The following WFDC9 variants were observed in gnomAD, a reference collection of about 807,000 sequenced individuals.
The protein encoded by WFDC9 is protein WFDC9.
WFDC9 carries 9 observed loss-of-function variants against 9.5 expected under a neutral mutation model. The ratio of observed to expected loss-of-function variants is 0.95; its 90% confidence interval spans 0.57 to 1.65. WFDC9 has a LOEUF of 1.65. WFDC9 is among the 40% of genes most tolerant of loss of function. WFDC9 has a pLI of 0.00. For missense variants in WFDC9, 87 were observed against 106.7 expected (o/e 0.82, Z 0.81); for synonymous variants, 33 against 32.3 (o/e 1.02, Z -0.07).
intron 1 of WFDC9, chr20:45,630,023 A>G: frequency 1.4e-6 from 2 of 1,392,388 alleles, no homozygotes; most frequent in South Asian, 1.4e-5. Context: ...CTCTGACCAC[A>G]ATGTTGTGTA....
At chr20:45,621,637 G>T in intron 1 of WFDC9, among the ~76,000 whole-genome samples, 1 of 152,212 alleles carries the variant, frequency 6.6e-6, no homozygotes, top group Non-Finnish European at 1.5e-5. Flanking sequence ...ATGCTAGGCA[G>T]AAGCTGCTAT....
intron 1 of WFDC9, among the ~76,000 whole-genome samples, chr20:45,616,574 T>A (rs1406080193): frequency 1.3e-5 from 2 of 152,230 alleles, no homozygotes; most frequent in Non-Finnish European, 2.9e-5. Flanking sequence ...TAATTTACTT[T>A]GCCCAGATCC....
intron 4 of WFDC9, 104 bp downstream of exon 4, chr20:45,608,559 A>C (rs1789415934): frequency 7.1e-7 from 1 of 1,413,736 alleles, no homozygotes. Context: ...TTTGCTGCCT[A>C]TTTCTTTAAC....
At chr20:45,613,005 G>T (rs1471348385) in intron 2 of WFDC9, among the ~76,000 whole-genome samples, 2 of 152,198 alleles carry the variant, frequency 1.3e-5, no homozygotes, top group Non-Finnish European at 2.9e-5. Context: ...CTTTATATTT[G>T]TTCAGAAATT....
chr20:45,608,868 T>C (rs966833592), intron 3 of WFDC9, 58 bp from the exon 4 acceptor site: 1 of 1,526,088 alleles, frequency 6.6e-7, no homozygotes, highest in Non-Finnish European at 8.8e-7. Context: ...AGAAACCTTT[T>C]CTAAGCTTAA....
In WFDC9 at chr20:45,629,886, G is replaced by A. The variant is rs373470912; in HGVS notation, c.-153+1317C>T. 3.3e-5 allele frequency: 54 copies of A among 1,613,894 alleles called. No homozygotes were observed. The African/African-American group carries it at 6.7e-4, about 20-fold the overall frequency. On this transcript the variant is annotated intron_variant, in intron 1 of 4. Coordinates refer to ENST00000326000, the MANE Select transcript of WFDC9 (RefSeq NM_147198.4). ...GCTGCAGGCCCAGGGAGGATACCGTGACAAGAAGAGGATGCAGAGTAGGTG... is the reference window on the plus strand; with the variant it reads ...GCTGCAGGCCCAGGGAGGATACCGTAACAAGAAGAGGATGCAGAGTAGGTG...
At chr20:45,617,820 A>G (rs180807652) in intron 1 of WFDC9, among the ~76,000 whole-genome samples, 1 of 152,346 alleles carries the variant, frequency 6.6e-6, no homozygotes, top group Non-Finnish European at 1.5e-5. Flanking sequence ...AGCCTTACTA[A>G]TAACATAAAC....
chr20:45,612,723 T>A (rs1363521514), intron 2 of WFDC9, among the ~76,000 whole-genome samples: 1 of 152,184 alleles, frequency 6.6e-6, no homozygotes, highest in Non-Finnish European at 1.5e-5. Flanking sequence ...TATGCACTAT[T>A]AAGACTACTT....
At chr20:45,612,783 A>G (rs1165747771) in intron 2 of WFDC9, among the ~76,000 whole-genome samples, 1 of 152,206 alleles carries the variant, frequency 6.6e-6, no homozygotes, top group Non-Finnish European at 1.5e-5. Flanking sequence ...AAAAGAGAAA[A>G]ATTTGAACTA....
intron 3 of WFDC9, 89 bp downstream of exon 3, chr20:45,610,002 G>A (rs1216755054): frequency 9.9e-7 from 1 of 1,014,710 alleles, no homozygotes; most frequent in East Asian, 2.4e-5. Context: ...ATCCTTTAAA[G>A]CCTGATTCTT....
At chr20:45,615,221 G>A (rs756183188) in intron 1 of WFDC9, among the ~76,000 whole-genome samples, 12 of 152,120 alleles carry the variant, frequency 7.9e-5, no homozygotes, top group Non-Finnish European at 1.5e-4. Flanking sequence ...AGGAAGCGAC[G>A]TGACCAAATC....
chr20:45,625,537 A>T (rs1464114580), intron 1 of WFDC9, among the ~76,000 whole-genome samples: 1 of 152,102 alleles, frequency 6.6e-6, no homozygotes, highest in African/African-American at 2.4e-5. Flanking sequence ...TTTTTGTAAG[A>T]TCATGAAAAT....
intron 1 of WFDC9, among the ~76,000 whole-genome samples, chr20:45,630,068 C>T (rs1326772111): frequency 6.6e-6 from 1 of 152,156 alleles, no homozygotes; most frequent in Admixed American, 6.5e-5. Context: ...GGCCCTCCAG[C>T]CCCTTAGCTG....
rs1258523074 is a variant in WFDC9, at chr20:45,631,183, C to T, written c.-153+20G>A. On this transcript the variant is annotated intron_variant, in intron 1 of 4. Coordinates refer to ENST00000326000, the MANE Select transcript of WFDC9 (RefSeq NM_147198.4). The stretch of plus-strand genomic sequence containing the variant: ...CTTGTCCCTGTCAAATAAACCAGAA[C>T]AAATGCCCAGGGATCCTACCTCTTT... The T allele has an allele frequency of 2.8e-6, 2 of 702,678 alleles. No individual in the cohort carries two copies. Among genetic ancestry groups the T allele is most frequent in the South Asian group, 4.2e-5 (1 of 23,612 alleles). 43.5% of individuals were successfully genotyped at this position (702,678 alleles called of 1,614,324 possible).
chr20:45,614,204 A>G (rs1285263147), intron 2 of WFDC9, among the ~76,000 whole-genome samples: 1 of 152,058 alleles, frequency 6.6e-6, no homozygotes, highest in Non-Finnish European at 1.5e-5. Context: ...GCACACCCTC[A>G]AGTGTACTAA....
intron 1 of WFDC9, among the ~76,000 whole-genome samples, chr20:45,630,293 T>C (rs2425723): frequency 0.35 from 53,470 of 151,576 alleles, 9,521 homozygotes; most frequent in Middle Eastern, 0.44. Flanking sequence ...GTAGAATGGG[T>C]ATAAGTGTAG....
At position 45,608,179 on chromosome 20, in the gene WFDC9, G is replaced by A. The variant is rs756534051; in HGVS notation, c.240-39C>T. ...GTTAGTCAAAAGTCAAGAATCCTGG[G>A]ATAAATCCATTTCTAAAATTAATAG... On this transcript the variant is annotated intron_variant, in intron 4 of 4. Transcript: ENST00000326000. 9 of 1,591,170 alleles carry A rather than the reference G, an allele frequency of 5.7e-6. No individual in the cohort carries two copies. In the Admixed American group the frequency reaches 1.1e-4, roughly 20 times the overall value.
chr20:45,618,179 T>C (rs1056840895), intron 1 of WFDC9, among the ~76,000 whole-genome samples: 25 of 152,218 alleles, frequency 1.6e-4, no homozygotes, highest in African/African-American at 6.0e-4. Flanking sequence ...GCTTCAAACT[T>C]TTCTGCTGCA....
At chr20:45,625,731 C>T (rs955062794) in intron 1 of WFDC9, among the ~76,000 whole-genome samples, 9 of 151,376 alleles carry the variant, frequency 5.9e-5, no homozygotes, top group African/African-American at 2.2e-4. Flanking sequence ...TATCCTTTCC[C>T]CAGTGAATGT....
Sources: gnomAD v4.1 joint callset for allele counts (sites outside exome capture counted in the v4.1 genomes callset) on GRCh38, gnomAD v4.1.1 for gene constraint, MANE v1.5 for transcripts, NCBI Gene and HGNC (gene_info 2026-07-23, HGNC 2026-07-21) for gene names.